Variants in SLC27A6 observed in about 807,000 individuals in gnomAD.
The protein encoded by SLC27A6 is solute carrier family 27 member 6.
In SLC27A6, 74 loss-of-function variants were observed where a neutral mutation model predicts 63.9. The ratio of observed to expected loss-of-function variants is 1.16; its 90% confidence interval spans 0.96 to 1.40. The LOEUF (loss-of-function observed/expected upper bound fraction) is 1.40, where lower values mean the gene tolerates loss of function less well. Among genes scored for constraint, SLC27A6 ranks in the 40% most tolerant of loss-of-function variants. The probability of loss-of-function intolerance (pLI) is 0.00; values close to 1 mark genes in which losing one functional copy is unlikely to be tolerated. For synonymous variants in SLC27A6, 287 were observed against 260.8 expected (o/e 1.10, Z -0.97); for missense variants, 794 against 732.9 (o/e 1.08, Z -0.96).
chr5:128,971,075 A>T (rs574965063), intron 1 of SLC27A6, among the ~76,000 whole-genome samples: 18 of 152,228 alleles, frequency 1.2e-4, no homozygotes, highest in African/African-American at 4.1e-4. Context: ...GTTTTGAGTG[A>T]GTTTCTTAAC....
Position 128,988,769 on chromosome 5 carries a change from A to G in SLC27A6, c.844+11A>G, listed in dbSNP as rs765482127. ...GATGTGTTGAGTTGGGTAAGGCTTTATTTTCTTTTTGATAAGTTTTCAAAA... is the reference window on the plus strand; with the variant it reads ...GATGTGTTGAGTTGGGTAAGGCTTTGTTTTCTTTTTGATAAGTTTTCAAAA... On this transcript the variant is annotated intron_variant, in intron 3 of 9. Transcript: ENST00000262462. The G allele has an allele frequency of 8.2e-6, 13 of 1,589,342 alleles. No homozygotes were observed. The highest frequency in any genetic ancestry group is 6.7e-5 in the East Asian group (3 of 44,700).
At chr5:128,999,819 C>G (rs537221539) in intron 4 of SLC27A6, among the ~76,000 whole-genome samples, 1 of 152,258 alleles carries the variant, frequency 6.6e-6, no homozygotes, top group Non-Finnish European at 1.5e-5. Context: ...TGTGTTCACA[C>G]TACCAACTTG....
At chr5:129,002,269 T>A (rs1455841956) in intron 4 of SLC27A6, among the ~76,000 whole-genome samples, 1 of 152,218 alleles carries the variant, frequency 6.6e-6, no homozygotes, top group African/African-American at 2.4e-5. Context: ...ATCTGACAAA[T>A]AAAACTGAAA....
chr5:129,009,411 C>T (rs1220327880), intron 4 of SLC27A6, among the ~76,000 whole-genome samples: 1 of 152,106 alleles, frequency 6.6e-6, no homozygotes, highest in African/African-American at 2.4e-5. Flanking sequence ...TCACTATCCA[C>T]ACACATATCT....
chr5:128,965,936 G>C lies in SLC27A6; in HGVS notation c.-202G>C. ...CCAAGCTTAATCTTCAGCACCACTT[G>C]GGGCGACCTTTTCGGTGCAAACCTA... On this transcript the variant is annotated 5_prime_UTR_variant, in exon 1 of 10. Coordinates refer to ENST00000262462, the MANE Select transcript of SLC27A6 (RefSeq NM_001017372.3). 1.9e-6 allele frequency: 1 copy of C among 522,462 alleles called. No individual in the cohort carries two copies. The highest frequency in any genetic ancestry group is 3.2e-5 in the East Asian group (1 of 30,810). 32.4% of individuals were successfully genotyped at this position (522,462 alleles called of 1,614,324 possible). A position where few individuals can be genotyped will look rare whatever the true frequency, so the allele number is the denominator to read the frequency against.
At chr5:128,979,718 T>C (rs529113497) in intron 1 of SLC27A6, among the ~76,000 whole-genome samples, 1 of 152,184 alleles carries the variant, frequency 6.6e-6, no homozygotes, top group Non-Finnish European at 1.5e-5. Flanking sequence ...TATAATAATA[T>C]AATGTATAAA....
At chr5:129,014,400 G>A (rs1245398844) in intron 4 of SLC27A6, among the ~76,000 whole-genome samples, 1 of 152,140 alleles carries the variant, frequency 6.6e-6, no homozygotes, top group Non-Finnish European at 1.5e-5. Flanking sequence ...GGGAGCTGGC[G>A]AGTTCTGAGT....
intron 1 of SLC27A6, among the ~76,000 whole-genome samples, chr5:128,973,093 C>T (rs959133689): frequency 2.6e-5 from 4 of 152,196 alleles, no homozygotes; most frequent in African/African-American, 9.7e-5. Flanking sequence ...GTATCACCAG[C>T]GGAGGCTGCA....
At chr5:128,985,360 C>T (rs1750752613) in intron 2 of SLC27A6, 24 bp downstream of exon 2, 1 of 1,598,984 alleles carries the variant, frequency 6.3e-7, no homozygotes, top group South Asian at 1.1e-5. Context: ...CTTTTGAAGG[C>T]TAAAATGAAT....
intron 3 of SLC27A6, among the ~76,000 whole-genome samples, chr5:128,989,647 G>A (rs182896752): frequency 2.1e-4 from 32 of 152,208 alleles, no homozygotes; most frequent in Non-Finnish European, 3.5e-4. Flanking sequence ...TGAGGTGGCC[G>A]GGCGCAGTGG....
intron 4 of SLC27A6, among the ~76,000 whole-genome samples, chr5:129,015,579 T>G (rs1409367994): frequency 6.6e-6 from 1 of 152,194 alleles, no homozygotes; most frequent in African/African-American, 2.4e-5. Flanking sequence ...AAGTAATGAT[T>G]TTTTTCTTCC....
At chr5:128,996,723 T>A in intron 4 of SLC27A6, among the ~76,000 whole-genome samples, 1 of 152,164 alleles carries the variant, frequency 6.6e-6, no homozygotes, top group East Asian at 1.9e-4. Context: ...CAAAAGAATG[T>A]ATCATTCCTT....
At chr5:128,995,498 C>T (rs1319433496) in intron 4 of SLC27A6, among the ~76,000 whole-genome samples, 1 of 152,080 alleles carries the variant, frequency 6.6e-6, no homozygotes, top group Non-Finnish European at 1.5e-5. Context: ...TATGAAGAAA[C>T]AAAACAGGGT....
intron 4 of SLC27A6, among the ~76,000 whole-genome samples, chr5:129,014,650 C>T (rs931842048): frequency 6.6e-6 from 1 of 152,126 alleles, no homozygotes; most frequent in Non-Finnish European, 1.5e-5. Context: ...GATTACTTTC[C>T]AGTCTTTGGC....
rs77521590 is a variant in SLC27A6, at chr5:128,974,550, A to G, written c.481+7932A>G. Among the ~76,000 whole-genome samples, 1,400 of 152,362 alleles carry G rather than the reference A, an allele frequency of 9.2e-3. 15 individuals are homozygous for G. Among genetic ancestry groups the G allele is most frequent in the African/African-American group, 0.031 (1,298 of 41,578 alleles). Reference sequence around the variant, plus strand: ...TTGGCATCTGGAGTCTCATTTGTGAACAATATAAACATACTCTTTTTAGCA... The same window carrying G: ...TTGGCATCTGGAGTCTCATTTGTGAGCAATATAAACATACTCTTTTTAGCA... On this transcript the variant is annotated intron_variant, in intron 1 of 9. Transcript: ENST00000262462.
In SLC27A6 at chr5:128,966,442, T is replaced by C; in HGVS notation, c.305T>C (p.Leu102Pro). Residue 102 changes from leucine (L) to proline (P), a missense_variant, in exon 1 of 10, where the codon CTG (leucine) becomes CCG (proline). Transcript: ENST00000262462. Reference protein sequence around the residue: ...VAHVFLNHSSLKKGDTVALLM... With the variant: ...VAHVFLNHSSPKKGDTVALLM... Reference sequence around the variant, plus strand: ...CATGTCTTCCTGAACCATTCCTCTCTGAAAAAGGGGGACACGGTGGCTCTG... The same window carrying C: ...CATGTCTTCCTGAACCATTCCTCTCCGAAAAAGGGGGACACGGTGGCTCTG... 1 of 1,605,404 alleles carries C rather than the reference T, an allele frequency of 6.2e-7. No homozygotes were observed.
intron 1 of SLC27A6, among the ~76,000 whole-genome samples, chr5:128,983,737 T>A (rs1750694689): frequency 6.6e-6 from 1 of 152,204 alleles, no homozygotes; most frequent in East Asian, 1.9e-4. Flanking sequence ...GCTTGATGTA[T>A]GAGTTTCCTA....
chr5:128,973,448 G>C (rs113734189), intron 1 of SLC27A6, among the ~76,000 whole-genome samples: 162 of 152,294 alleles, frequency 1.1e-3, no homozygotes, highest in African/African-American at 3.6e-3. Flanking sequence ...CTTCCGCACT[G>C]CTTTGTTTAC....
chr5:128,984,335 G>C (rs1341756880), intron 1 of SLC27A6, among the ~76,000 whole-genome samples: 2 of 152,078 alleles, frequency 1.3e-5, no homozygotes, highest in African/African-American at 4.8e-5. Flanking sequence ...CCCACCTTCT[G>C]TCTCTCTTGT....
Sources: allele counts gnomAD v4.1 joint callset (sites outside exome capture counted in the v4.1 genomes callset), GRCh38; gene constraint gnomAD v4.1.1; transcripts MANE v1.5; gene names NCBI Gene and HGNC (gene_info 2026-07-23, HGNC 2026-07-21).